GRIA4: variants seen among roughly 807,000 people sequenced by gnomAD.
GRIA4 encodes glutamate ionotropic receptor AMPA type subunit 4, also known as glutamate receptor 4.
Under a neutral mutation model 104.0 loss-of-function variants are expected in GRIA4, and 34 were observed. The observed-to-expected ratio is 0.33, with a 90% CI of 0.25 to 0.44. The LOEUF (loss-of-function observed/expected upper bound fraction) is 0.44. Among genes scored for constraint, GRIA4 ranks in the 20% least tolerant of loss-of-function variants. GRIA4 has a pLI of 1.00. For missense variants in GRIA4, 750 were observed against 1,096.5 expected (o/e 0.68, Z 4.46); for synonymous variants, 386 against 381.9 (o/e 1.01, Z -0.13).
Position 105,612,357 on chromosome 11 carries a change from C to T in GRIA4, c.170C>T (p.Ala57Val), listed in dbSNP as rs1340908282. The change falls in exon 3 of 17, where the codon GCG becomes GTG. Residue 57 changes from alanine to valine, a missense_variant. Around this residue, in one of 3 missense-constraint regions of GRIA4, gnomAD observed 410 missense variants for 502.7 expected, o/e 0.82. Transcript: ENST00000282499. ...AIFLHNTSPN[A>V]SEAPFNLVPH... Reference sequence around the variant, plus strand: ...TTTCTTCATAACACCAGCCCCAATGCGTCGGAAGCTCCTTTTAATTTGGTA... The same window carrying T: ...TTTCTTCATAACACCAGCCCCAATGTGTCGGAAGCTCCTTTTAATTTGGTA... The T allele has an allele frequency of 1.9e-6, 3 of 1,613,738 alleles. No homozygotes were observed. The highest frequency in any genetic ancestry group is 1.3e-5 in the African/African-American group (1 of 74,918).
At chr11:105,966,120 C>A in intron 14 of GRIA4, 3 of 1,188,930 alleles carry the variant, frequency 2.5e-6, no homozygotes, top group Non-Finnish European at 3.8e-6. Flanking sequence ...GGTGCATCTG[C>A]TGGGAGACTT....
chr11:105,956,769 G>GTT (rs1476450845), intron 14 of GRIA4, among the ~76,000 whole-genome samples: 2 of 152,168 alleles, frequency 1.3e-5, no homozygotes, highest in Non-Finnish European at 2.9e-5. Flanking sequence ...TCCAGCACCT[G>GTT]TTGTTTCCTG....
intron 3 of GRIA4, among the ~76,000 whole-genome samples, chr11:105,638,509 T>C (rs1013083030): frequency 4.0e-5 from 6 of 151,170 alleles, no homozygotes; most frequent in African/African-American, 1.5e-4. Context: ...TTTTCTCATC[T>C]GGAATCTGTG....
At chr11:105,921,306 G>GGTGTGTGT (rs5794436) in intron 11 of GRIA4, among the ~76,000 whole-genome samples, 1,397 of 138,830 alleles carry the variant, frequency 0.01, 10 homozygotes, top group African/African-American at 0.018. Context: ...ACCACACTTG[G>GGTGTGTGT]GTGTGTGTGT....
chr11:105,641,011 T>A (rs917557537), intron 3 of GRIA4, among the ~76,000 whole-genome samples: 1 of 152,116 alleles, frequency 6.6e-6, no homozygotes, highest in African/African-American at 2.4e-5. Context: ...TTTTTTATGA[T>A]AAATAACTAT....
In GRIA4 at chr11:105,979,614, T is replaced by C; in HGVS notation, c.2584T>C (p.Ser862Pro). 6.2e-7 allele frequency: 1 copy of C among 1,614,166 alleles called. No individual in the cohort carries two copies. Among genetic ancestry groups the C allele is most frequent in the Non-Finnish European group, 8.5e-7 (1 of 1,179,976 alleles). Reference protein sequence around the residue: ...SEAIRNKARLSITGSVGENGR... With the variant: ...SEAIRNKARLPITGSVGENGR... ...AGCCATAAGAAACAAAGCCAGATTA[T>C]CCATCACTGGGAGTGTGGGAGAGAA... is the stretch of plus-strand genomic sequence containing the variant. Residue 862 changes from serine (S) to proline (P), a missense_variant, in exon 17 of 17, where the codon TCC becomes CCC. Around this residue, in one of 3 missense-constraint regions of GRIA4, gnomAD observed 68 missense variants for 69.3 expected, o/e 0.98. Coordinates refer to ENST00000282499, the MANE Select transcript of GRIA4 (RefSeq NM_000829.4).
chr11:105,861,817 C>T (rs1260658483), intron 4 of GRIA4, among the ~76,000 whole-genome samples: 10 of 152,170 alleles, frequency 6.6e-5, no homozygotes, highest in African/African-American at 1.9e-4. Flanking sequence ...GGTGTTGCTA[C>T]TTCATTCAAT....
At chr11:105,642,369 T>C (rs771985829) in intron 3 of GRIA4, among the ~76,000 whole-genome samples, 2 of 152,034 alleles carry the variant, frequency 1.3e-5, no homozygotes, top group African/African-American at 2.4e-5. Context: ...TATGTACACT[T>C]TGAGTCTGTT....
intron 3 of GRIA4, among the ~76,000 whole-genome samples, chr11:105,751,272 A>T (rs1206570219): frequency 6.6e-6 from 1 of 152,198 alleles, no homozygotes; most frequent in Non-Finnish European, 1.5e-5. Flanking sequence ...ATATGAAAAT[A>T]TGAAGGAGCT....
chr11:105,694,443 G>C (rs569380772), intron 3 of GRIA4, among the ~76,000 whole-genome samples: 1 of 151,978 alleles, frequency 6.6e-6, no homozygotes, highest in South Asian at 2.1e-4. Flanking sequence ...CAATGCTCCC[G>C]GCCACAAGTT....
chr11:105,624,186 G>T (rs1950827088), intron 3 of GRIA4, among the ~76,000 whole-genome samples: 6 of 152,042 alleles, frequency 3.9e-5, no homozygotes, highest in Admixed American at 3.3e-4. Flanking sequence ...CTAGAAGAAA[G>T]AAGTTAGGAC....
At chr11:105,647,723 TA>T (rs2135372557) in intron 3 of GRIA4, among the ~76,000 whole-genome samples, 1 of 152,256 alleles carries the variant, frequency 6.6e-6, no homozygotes, top group East Asian at 1.9e-4. Flanking sequence ...CACTCTCACT[TA>T]TAAGCGGGAG....
intron 3 of GRIA4, among the ~76,000 whole-genome samples, chr11:105,678,808 A>C (rs1952622565): frequency 6.6e-6 from 1 of 152,138 alleles, no homozygotes; most frequent in Non-Finnish European, 1.5e-5. Context: ...TATTATTTGC[A>C]GAAATAAATA....
intron 16 of GRIA4, among the ~76,000 whole-genome samples, chr11:105,975,585 A>G (rs1184843725): frequency 6.6e-6 from 1 of 152,020 alleles, no homozygotes; most frequent in Non-Finnish European, 1.5e-5. Context: ...TCTAAAACCC[A>G]TTTTCTAAAA....
intron 4 of GRIA4, among the ~76,000 whole-genome samples, chr11:105,764,923 G>T (rs1412680307): frequency 6.6e-6 from 1 of 151,982 alleles, no homozygotes; most frequent in Non-Finnish European, 1.5e-5. Context: ...ACCCTTACTA[G>T]ATCCAAGAGA....
intron 3 of GRIA4, among the ~76,000 whole-genome samples, chr11:105,624,651 T>C (rs1476782851): frequency 6.6e-6 from 1 of 152,084 alleles, no homozygotes; most frequent in African/African-American, 2.4e-5. Flanking sequence ...CCTAGGCAAG[T>C]TTGAAAGGGA....
chr11:105,940,941 ATTTAT>A (rs1049806807), intron 14 of GRIA4, among the ~76,000 whole-genome samples: 3 of 152,210 alleles, frequency 2.0e-5, no homozygotes, highest in African/African-American at 7.2e-5. Flanking sequence ...ACTGTAGCTC[ATTTAT>A]TTTAACATTT....
At chr11:105,793,047 T>A (rs2135809271) in intron 4 of GRIA4, among the ~76,000 whole-genome samples, 1 of 152,350 alleles carries the variant, frequency 6.6e-6, no homozygotes, top group Admixed American at 6.5e-5. Flanking sequence ...GTGCACAGTG[T>A]AAACAAGTTC....
chr11:105,822,260 C>T (rs1282822211), intron 4 of GRIA4, among the ~76,000 whole-genome samples: 1 of 152,036 alleles, frequency 6.6e-6, no homozygotes, highest in Non-Finnish European at 1.5e-5. Flanking sequence ...CTGCCCAATG[C>T]CTACCCCAGA....
Sources: gnomAD v4.1 joint callset for allele counts (sites outside exome capture counted in the v4.1 genomes callset) on GRCh38, gnomAD v4.1.1 for gene constraint, gnomAD v4.1.1 regional missense constraint, MANE v1.5 for transcripts, NCBI Gene and HGNC (gene_info 2026-07-23, HGNC 2026-07-21) for gene names.